The following LRRC38 variants were observed in gnomAD, a reference collection of about 807,000 sequenced individuals.
The protein encoded by LRRC38 is leucine-rich repeat-containing protein 38.
A neutral mutation model predicts 16.4 loss-of-function variants in LRRC38; 5 were observed. The observed-to-expected ratio is 0.31, with a 90% confidence interval of 0.16 to 0.64. The LOEUF (loss-of-function observed/expected upper bound fraction) is 0.64. LRRC38 is among the 30% of genes least tolerant of loss of function. The pLI is 0.80. For synonymous variants in LRRC38, 191 were observed against 190.2 expected (o/e 1.00, Z -0.04); for missense variants, 341 against 401.8 (o/e 0.85, Z 1.29).
rs1342604480 is a variant in LRRC38, at chr1:13,513,893, G to T, written c.-300C>A. On this transcript the variant is annotated 5_prime_UTR_variant, in exon 1 of 2. Coordinates refer to ENST00000376085, the MANE Select transcript of LRRC38 (RefSeq NM_001010847.2). ...AAAATCTCTTGGGAGAGGCGGGAGC[G>T]GCAGGGGTGGCCGAGTGGCCGTCGC... 1 of 152,424 alleles carries T rather than the reference G, an allele frequency of 6.6e-6. No homozygotes were observed. Among genetic ancestry groups the T allele is most frequent in the African/African-American group, 2.4e-5 (1 of 41,424 alleles). 9.4% of individuals were successfully genotyped at this position (152,424 alleles called of 1,614,324 possible). A position where few individuals can be genotyped will look rare whatever the true frequency, so the allele number is the denominator to read the frequency against.
At chr1:13,490,829 G>A (rs6676338) in intron 1 of LRRC38, among the ~76,000 whole-genome samples, 10,923 of 152,026 alleles carry the variant, frequency 0.072, 1,329 homozygotes, top group African/African-American at 0.25. Context: ...CTCCCTCCCA[G>A]GCCTGCCATT....
intron 1 of LRRC38, among the ~76,000 whole-genome samples, chr1:13,498,701 A>G (rs943210655): frequency 3.3e-5 from 5 of 152,162 alleles, no homozygotes; most frequent in African/African-American, 1.2e-4. Context: ...AGAGGCTGTA[A>G]CCCACTCCCT....
rs532025053 is a variant in LRRC38 at position 13,507,500 on chromosome 1, C to T, written c.631+5463G>A. 6.6e-5 allele frequency among the ~76,000 whole-genome samples: 10 copies of T among 152,274 alleles called. 1 individual carries two copies. Among genetic ancestry groups the T allele is most frequent in the Admixed American group, 5.2e-4 (8 of 15,280 alleles). On this transcript the variant is annotated intron_variant, in intron 1 of 1. Coordinates refer to ENST00000376085, the MANE Select transcript of LRRC38 (RefSeq NM_001010847.2). ...GCAATAAGGAGATGTTGTTGTCTTG[C>T]CCATCAAATTGAAAAACATTTTTAA... is the stretch of plus-strand genomic sequence containing the variant.
intron 1 of LRRC38, among the ~76,000 whole-genome samples, chr1:13,486,639 G>A (rs552722370): frequency 1.4e-5 from 2 of 144,636 alleles, no homozygotes; most frequent in Non-Finnish European, 3.0e-5. Context: ...CACCCAGGCT[G>A]GAGTGCAGTG....
At chr1:13,479,725 G>C (rs980128923) in intron 1 of LRRC38, among the ~76,000 whole-genome samples, 1 of 152,198 alleles carries the variant, frequency 6.6e-6, no homozygotes, top group Non-Finnish European at 1.5e-5. Context: ...AAAGGGCAGA[G>C]AAAGAAGAAG....
At chr1:13,478,046 G>A (rs796665794) in intron 1 of LRRC38, among the ~76,000 whole-genome samples, 14 of 152,242 alleles carry the variant, frequency 9.2e-5, no homozygotes, top group African/African-American at 3.4e-4. Context: ...TAGCTTATGT[G>A]GTACAGAGCT....
At chr1:13,506,207 C>G (rs561037047) in intron 1 of LRRC38, among the ~76,000 whole-genome samples, 15 of 151,930 alleles carry the variant, frequency 9.9e-5, no homozygotes, top group African/African-American at 3.4e-4. Flanking sequence ...TAAGTGGGAA[C>G]CAGAAGGGTA....
intron 1 of LRRC38, among the ~76,000 whole-genome samples, chr1:13,499,662 G>A (rs918023544): frequency 5.9e-5 from 9 of 152,138 alleles, no homozygotes; most frequent in African/African-American, 1.2e-4. Flanking sequence ...GGGATAGTGC[G>A]GTACCCCAGG....
At chr1:13,491,258 C>T (rs1456489970) in intron 1 of LRRC38, among the ~76,000 whole-genome samples, 1 of 152,242 alleles carries the variant, frequency 6.6e-6, no homozygotes, top group Non-Finnish European at 1.5e-5. Context: ...TAGCCAGCCT[C>T]ACTCACGCAG....
In LRRC38 at chr1:13,475,766, A is replaced by G. The variant is rs1355091809; in HGVS notation, c.*80T>C. ...CACAGATGGTGGCCAGTGCTTTTCC[A>G]TTTTCAGCATTTCCCTCTCGTCTTG... On this transcript the variant is annotated 3_prime_UTR_variant, in exon 2 of 2. Coordinates refer to ENST00000376085, the MANE Select transcript of LRRC38 (RefSeq NM_001010847.2). The surrounding 1 kb of genome is among the most constrained non-coding windows in gnomAD (Gnocchi z 4.3). The G allele has an allele frequency of 1.3e-6, 2 of 1,500,044 alleles. No individual in the cohort carries two copies. The highest frequency in any genetic ancestry group is 1.8e-6 in the Non-Finnish European group (2 of 1,120,308). 92.9% of individuals were successfully genotyped at this position (1,500,044 alleles called of 1,614,324 possible).
Position 13,504,323 on chromosome 1 carries a change from G to C in LRRC38, c.631+8640C>G, listed in dbSNP as rs548553117. On this transcript the variant is annotated intron_variant, in intron 1 of 1. Transcript: ENST00000376085. ...ACAGACAGTCATGGATGCCGGGGGT[G>C]GCCTGCCCAGCCCTGCCCCAGACCC... 1.7e-3 allele frequency among the ~76,000 whole-genome samples: 264 copies of C among 152,212 alleles called. 1 individual carries two copies. Among genetic ancestry groups the C allele is most frequent in the Admixed American group, 3.1e-3 (48 of 15,294 alleles).
Position 13,475,514 on chromosome 1 carries a change from G to C in LRRC38, c.*332C>G, listed in dbSNP as rs925085114. 1.1e-5 allele frequency: 3 copies of C among 271,184 alleles called. No homozygotes were observed. Among genetic ancestry groups the C allele is most frequent in the African/African-American group, 4.3e-5 (2 of 46,816 alleles). The allele number at this position is 271,184 out of a possible 1,614,324, so 16.8% of individuals were successfully genotyped here. ...AAAATCATCTTTGCCATTGAAAGCT[G>C]CCAGTCTTCACATTTCCTGGGGGAG... On this transcript the variant is annotated 3_prime_UTR_variant, in exon 2 of 2. Transcript: ENST00000376085. This position sits in a 1 kb window ranked among gnomAD's most constrained non-coding sequence, Gnocchi z 4.3.
chr1:13,491,487 C>T (rs749823327), intron 1 of LRRC38, among the ~76,000 whole-genome samples: 1 of 152,064 alleles, frequency 6.6e-6, no homozygotes, highest in East Asian at 1.9e-4. Context: ...TGACCCCACT[C>T]CTGGCTAATT....
At position 13,513,254 on chromosome 1, in the gene LRRC38, T is replaced by C. The variant is rs772369396; in HGVS notation, c.340A>G (p.Asn114Asp). 1.7e-5 allele frequency: 27 copies of C among 1,550,074 alleles called. No homozygotes were observed. The highest frequency in any genetic ancestry group is 4.4e-6 in the Non-Finnish European group (5 of 1,146,872). The change falls in exon 1 of 2, where the codon AAC (asparagine) becomes GAC (aspartate). Residue 114 changes from asparagine to aspartate, a missense_variant. Transcript: ENST00000376085. ...AKLVFLDLSY[N>D]NLTQLGAGAF... ...CCGGCGCCCAGCTGGGTCAAGTTGT[T>C]GTAGCTGAGGTCGAGGAACACGAGC...
intron 1 of LRRC38, among the ~76,000 whole-genome samples, chr1:13,499,822 G>A (rs1280523426): frequency 6.6e-6 from 1 of 152,184 alleles, no homozygotes; most frequent in Non-Finnish European, 1.5e-5. Flanking sequence ...GTTGCTCGCA[G>A]TAGGTATGCA....
chr1:13,502,252 ATTAT>A (rs1487680038), intron 1 of LRRC38, among the ~76,000 whole-genome samples: 1 of 151,764 alleles, frequency 6.6e-6, no homozygotes, highest in Non-Finnish European at 1.5e-5. Context: ...AAGTCTATTG[ATTAT>A]TTAATAAAAT....
intron 1 of LRRC38, among the ~76,000 whole-genome samples, chr1:13,500,445 T>C (rs1371682273): frequency 6.6e-6 from 1 of 152,220 alleles, no homozygotes; most frequent in Non-Finnish European, 1.5e-5. Context: ...AGCCACACTG[T>C]GGCATAAGTG....
At chr1:13,486,791 A>G (rs964732252) in intron 1 of LRRC38, among the ~76,000 whole-genome samples, 8 of 152,040 alleles carry the variant, frequency 5.3e-5, no homozygotes, top group African/African-American at 1.9e-4. Context: ...AGATTTCGCC[A>G]TGTTGCCCAG....
chr1:13,493,302 G>A (rs1395751816), intron 1 of LRRC38, among the ~76,000 whole-genome samples: 3 of 151,988 alleles, frequency 2.0e-5, no homozygotes, highest in East Asian at 1.9e-4. Flanking sequence ...GGCCAGGGTT[G>A]TGGTACGGGG....
Sources: gnomAD v4.1 joint callset for allele counts (sites outside exome capture counted in the v4.1 genomes callset) on GRCh38, gnomAD v4.1.1 for gene constraint, Gnocchi (gnomAD v3.1) non-coding constraint, MANE v1.5 for transcripts, NCBI Gene and HGNC (gene_info 2026-07-23, HGNC 2026-07-21) for gene names.